PTPRT: variants seen among roughly 807,000 people sequenced by gnomAD.
The protein encoded by PTPRT is protein tyrosine phosphatase receptor type T, also known as receptor-type tyrosine-protein phosphatase T.
In PTPRT, 56 loss-of-function variants were observed where a neutral mutation model predicts 176.8. That is an observed-to-expected ratio of 0.32 (90% CI 0.26 to 0.40). PTPRT has a LOEUF of 0.40. PTPRT is among the 10% of genes least tolerant of loss of function. The pLI, the probability that PTPRT is intolerant of heterozygous loss-of-function variation, is 1.00. For missense variants in PTPRT, 1,540 were observed against 1,908.2 expected (o/e 0.81, Z 3.60); for synonymous variants, 783 against 739.0 (o/e 1.06, Z -0.96).
At chr20:42,861,027 C>CCGT (rs1346050580) in intron 2 of PTPRT, among the ~76,000 whole-genome samples, 1 of 152,200 alleles carries the variant, frequency 6.6e-6, no homozygotes, top group Non-Finnish European at 1.5e-5. Flanking sequence ...CACCCACCAA[C>CCGT]CTAGACATAG....
chr20:42,566,795 A>C (rs921034906), intron 7 of PTPRT, among the ~76,000 whole-genome samples: 1 of 152,306 alleles, frequency 6.6e-6, no homozygotes, highest in Non-Finnish European at 1.5e-5. Context: ...TGTAAGTAGG[A>C]AAAAAACACA....
At chr20:42,236,098 CTT>C (rs1328587967) in intron 15 of PTPRT, 129 bp downstream of exon 15, 1 of 729,450 alleles carries the variant, frequency 1.4e-6, no homozygotes, top group African/African-American at 1.8e-5. Flanking sequence ...AAAATAAAAA[CTT>C]TAAGGCTACA....
intron 1 of PTPRT, among the ~76,000 whole-genome samples, chr20:43,073,164 C>T (rs2011203286): frequency 6.6e-6 from 1 of 152,060 alleles, no homozygotes; most frequent in Non-Finnish European, 1.5e-5. Flanking sequence ...GGAAAAAATA[C>T]AAAATAATAT....
chr20:42,688,208 C>G (rs1477936985), intron 6 of PTPRT: 1 of 152,238 alleles, frequency 6.6e-6, no homozygotes, highest in Admixed American at 6.5e-5. Flanking sequence ...GTCCTTGTAG[C>G]ATCATTCCAG....
chr20:43,153,096 G>T (rs1427057789), intron 1 of PTPRT, among the ~76,000 whole-genome samples: 2 of 152,152 alleles, frequency 1.3e-5, no homozygotes, highest in Non-Finnish European at 2.9e-5. Context: ...TTTACCTAGT[G>T]CAAAACACAT....
At chr20:43,163,889 T>C (rs899071393) in intron 1 of PTPRT, among the ~76,000 whole-genome samples, 1 of 152,194 alleles carries the variant, frequency 6.6e-6, no homozygotes, top group Admixed American at 6.5e-5. Flanking sequence ...AATGTGTTCC[T>C]AAAAATGAGT....
chr20:42,181,193 C>A (rs1218118028), intron 16 of PTPRT, among the ~76,000 whole-genome samples: 2 of 152,102 alleles, frequency 1.3e-5, no homozygotes, highest in African/African-American at 4.8e-5. Context: ...ATTGGGAAGG[C>A]TCACAAGGGC....
chr20:42,726,415 T>C (rs1264722369), intron 6 of PTPRT, among the ~76,000 whole-genome samples: 2 of 152,192 alleles, frequency 1.3e-5, no homozygotes, highest in Non-Finnish European at 2.9e-5. Context: ...ATTATTCTGC[T>C]ACTACAGGGG....
chr20:42,720,861 T>C (rs1350057090), intron 6 of PTPRT, among the ~76,000 whole-genome samples: 1 of 152,050 alleles, frequency 6.6e-6, no homozygotes, highest in Non-Finnish European at 1.5e-5. Flanking sequence ...CACTAGAGAG[T>C]TGGGGTCCAG....
At chr20:42,209,311 G>A (rs1029697952) in intron 15 of PTPRT, among the ~76,000 whole-genome samples, 3 of 151,956 alleles carry the variant, frequency 2.0e-5, no homozygotes, top group Non-Finnish European at 2.9e-5. Flanking sequence ...CAGAACTGAA[G>A]GAAATAGAGA....
At chr20:42,493,453 T>C (rs1293002303) in intron 7 of PTPRT, among the ~76,000 whole-genome samples, 3 of 152,134 alleles carry the variant, frequency 2.0e-5, no homozygotes, top group Admixed American at 6.6e-5. Context: ...GGTTCTGTAC[T>C]AAGCACAGTA....
intron 1 of PTPRT, among the ~76,000 whole-genome samples, chr20:43,166,433 G>C (rs934310843): frequency 6.6e-6 from 1 of 151,904 alleles, no homozygotes; most frequent in Non-Finnish European, 1.5e-5. Context: ...CAATTTTAAA[G>C]ATTTCCTCAT....
intron 6 of PTPRT, chr20:42,687,964 T>C (rs2075726828): frequency 6.6e-6 from 1 of 152,224 alleles, no homozygotes. Context: ...AGTACTATTC[T>C]AGTATGCATT....
intron 20 of PTPRT, among the ~76,000 whole-genome samples, chr20:42,118,809 A>G (rs909056011): frequency 2.0e-5 from 3 of 151,884 alleles, no homozygotes; most frequent in African/African-American, 7.3e-5. Context: ...AACTCCACCT[A>G]TCACCTTATC....
At chr20:42,239,423 T>C (rs911210524) in intron 14 of PTPRT, among the ~76,000 whole-genome samples, 1 of 135,574 alleles carries the variant, frequency 7.4e-6, no homozygotes, top group East Asian at 2.1e-4. Flanking sequence ...CTTTTTTTTT[T>C]TTTTTTTTTT....
chr20:42,763,051 A>AC (rs1233006431), intron 5 of PTPRT, among the ~76,000 whole-genome samples: 1 of 151,924 alleles, frequency 6.6e-6, no homozygotes, highest in Non-Finnish European at 1.5e-5. Flanking sequence ...GCATCCTTCC[A>AC]CCCCCAGGCA....
chr20:43,130,883 C>T (rs17750876), intron 1 of PTPRT, among the ~76,000 whole-genome samples: 5,022 of 148,918 alleles, frequency 0.034, 122 homozygotes, highest in Non-Finnish European at 0.052. Flanking sequence ...ATCAATGAAA[C>T]GGAATAAAGC....
At chr20:42,614,905 G>T (rs1473299597) in intron 7 of PTPRT, among the ~76,000 whole-genome samples, 3 of 148,252 alleles carry the variant, frequency 2.0e-5, no homozygotes, top group South Asian at 2.2e-4. Context: ...GGAACTCTCG[G>T]TTTTTTTTGT....
intron 1 of PTPRT, 37 bp from the exon 2 acceptor site, chr20:42,885,969 T>G: frequency 6.5e-7 from 1 of 1,539,682 alleles, no homozygotes; most frequent in Admixed American, 1.8e-5. Context: ...TACATTCCCG[T>G]GTCTGAGGCT....
Sources: allele counts gnomAD v4.1 joint callset (sites outside exome capture counted in the v4.1 genomes callset), GRCh38; gene constraint gnomAD v4.1.1; transcripts MANE v1.5; gene names NCBI Gene and HGNC (gene_info 2026-07-23, HGNC 2026-07-21).